HMCN1: variants seen among roughly 807,000 people sequenced by gnomAD.
The protein encoded by HMCN1 is hemicentin 1.
In HMCN1, 321 loss-of-function variants were observed where a neutral mutation model predicts 625.9. The ratio of observed to expected loss-of-function variants is 0.51; its 90% CI spans 0.47 to 0.56. The LOEUF (loss-of-function observed/expected upper bound fraction) is 0.56. Ranked by LOEUF, HMCN1 falls within the 20% of genes least tolerant of loss-of-function variation. HMCN1 has a pLI of 0.00. For missense variants in HMCN1, 6,588 were observed against 6,887.3 expected (o/e 0.96, Z 1.54); for synonymous variants, 2,425 against 2,417.6 (o/e 1.00, Z -0.09).
At chr1:185,891,089 C>A (rs1665043174) in intron 4 of HMCN1, among the ~76,000 whole-genome samples, 1 of 76,138 alleles carries the variant, frequency 1.3e-5, no homozygotes, top group African/African-American at 7.0e-5. Flanking sequence ...CTCTTTTGAT[C>A]TTTGTTGGTT....
intron 54 of HMCN1, among the ~76,000 whole-genome samples, chr1:186,076,966 G>A (rs998981728): frequency 2.0e-5 from 3 of 152,112 alleles, no homozygotes; most frequent in African/African-American, 4.8e-5. Flanking sequence ...TATATTTACA[G>A]ATCATTACTG....
chr1:185,984,041 G>C, intron 18 of HMCN1, 128 bp from the exon 19 acceptor site: 1 of 686,638 alleles, frequency 1.5e-6, no homozygotes, highest in South Asian at 1.8e-5. Flanking sequence ...CTTCACTTAA[G>C]GACATTAGAA....
chr1:186,079,543 G>A (rs926259845), intron 55 of HMCN1, among the ~76,000 whole-genome samples: 16 of 152,224 alleles, frequency 1.1e-4, no homozygotes, highest in African/African-American at 3.1e-4. Flanking sequence ...GTGTGCCTGC[G>A]CATCAATCCC....
chr1:185,739,369 G>A (rs766415689), intron 1 of HMCN1, among the ~76,000 whole-genome samples: 1 of 152,088 alleles, frequency 6.6e-6, no homozygotes, highest in Non-Finnish European at 1.5e-5. Context: ...TTTTTACATA[G>A]CACTCAAAAT....
chr1:186,181,823 A>G (rs1376195405), intron 104 of HMCN1, among the ~76,000 whole-genome samples: 1 of 152,054 alleles, frequency 6.6e-6, no homozygotes, highest in Non-Finnish European at 1.5e-5. Context: ...AAAGAGTTTC[A>G]TATTTTGGTG....
At position 186,112,962 on chromosome 1, in the gene HMCN1, A is replaced by G; in HGVS notation, c.11131+9A>G. 1.2e-6 allele frequency: 2 copies of G among 1,613,798 alleles called. No homozygotes were observed. Among genetic ancestry groups the G allele is most frequent in the Non-Finnish European group, 1.7e-6 (2 of 1,179,896 alleles). ...TATTCTCACTGTAAATGGTAAGAAAAGGTATTCATTGTTCCACAATTTAAA... is the reference window on the plus strand; with the variant it reads ...TATTCTCACTGTAAATGGTAAGAAAGGGTATTCATTGTTCCACAATTTAAA... On this transcript the variant is annotated intron_variant, in intron 72 of 106. Coordinates refer to ENST00000271588, the MANE Select transcript of HMCN1 (RefSeq NM_031935.3).
intron 14 of HMCN1, among the ~76,000 whole-genome samples, chr1:185,968,495 T>A (rs1424825344): frequency 6.6e-6 from 1 of 150,668 alleles, no homozygotes; most frequent in East Asian, 1.9e-4. Context: ...TATATATATA[T>A]AAATTACAAA....
chr1:186,074,701 T>G, intron 52 of HMCN1, 40 bp from the exon 53 acceptor site: 1 of 1,593,936 alleles, frequency 6.3e-7, no homozygotes, highest in Non-Finnish European at 8.6e-7. Context: ...GAGGATTCAT[T>G]ATAGCACTTA....
At chr1:185,886,234 G>C (rs1472991919) in intron 4 of HMCN1, among the ~76,000 whole-genome samples, 1 of 151,842 alleles carries the variant, frequency 6.6e-6, no homozygotes, top group Non-Finnish European at 1.5e-5. Flanking sequence ...AAAGAGATGA[G>C]GGGAGTGGGT....
At chr1:185,974,278 A>C (rs1397852013) in intron 15 of HMCN1, among the ~76,000 whole-genome samples, 1 of 152,178 alleles carries the variant, frequency 6.6e-6, no homozygotes, top group African/African-American at 2.4e-5. Context: ...TAGACTTATT[A>C]AACTCCAGTT....
Position 186,115,256 on chromosome 1 carries a change from A to T in HMCN1, c.11405-2A>T. On this transcript the variant is annotated splice_acceptor_variant, in intron 74 of 106. Coordinates refer to ENST00000271588, the MANE Select transcript of HMCN1 (RefSeq NM_031935.3). LOFTEE classifies it high-confidence loss of function. ...CCTTCTTATTTGGTGACATTGTCTTAGTTCCTCCATCTATTGCTCCGGGTC... is the reference window on the plus strand; with the variant it reads ...CCTTCTTATTTGGTGACATTGTCTTTGTTCCTCCATCTATTGCTCCGGGTC... The T allele has an allele frequency of 6.2e-7, 1 of 1,613,976 alleles. No individual in the cohort carries two copies. The highest frequency in any genetic ancestry group is 8.5e-7 in the Non-Finnish European group (1 of 1,179,934).
chr1:185,902,401 C>CTA, intron 4 of HMCN1, among the ~76,000 whole-genome samples: 1 of 136,218 alleles, frequency 7.3e-6, no homozygotes, highest in Admixed American at 7.1e-5. Flanking sequence ...ATCTATCTAT[C>CTA]TATCTCTATC....
At chr1:185,834,593 G>T (rs1661055776) in intron 1 of HMCN1, among the ~76,000 whole-genome samples, 1 of 152,130 alleles carries the variant, frequency 6.6e-6, no homozygotes, top group Non-Finnish European at 1.5e-5. Flanking sequence ...CAGAAACTAT[G>T]GTCTCTTTAT....
At chr1:185,737,210 A>T (rs1179564523) in intron 1 of HMCN1, among the ~76,000 whole-genome samples, 1 of 151,334 alleles carries the variant, frequency 6.6e-6, no homozygotes, top group African/African-American at 2.4e-5. Flanking sequence ...GCTGGAGTGC[A>T]GTAGCACTAT....
intron 11 of HMCN1, among the ~76,000 whole-genome samples, chr1:185,960,809 T>C (rs1162617096): frequency 6.6e-6 from 1 of 152,224 alleles, no homozygotes; most frequent in Non-Finnish European, 1.5e-5. Context: ...AATAAATGTG[T>C]GTTTCAATAA....
At chr1:186,010,605 T>C (rs1484124707) in intron 30 of HMCN1, among the ~76,000 whole-genome samples, 1 of 152,178 alleles carries the variant, frequency 6.6e-6, no homozygotes, top group East Asian at 1.9e-4. Context: ...ATTTATGCAA[T>C]TTGAGCCAAA....
At chr1:185,849,427 T>C (rs1003392051) in intron 2 of HMCN1, among the ~76,000 whole-genome samples, 4 of 152,162 alleles carry the variant, frequency 2.6e-5, no homozygotes, top group African/African-American at 7.2e-5. Flanking sequence ...GGAGTTCACA[T>C]TGAAGGACTG....
chr1:186,051,333 G>A (rs895206669), intron 42 of HMCN1, among the ~76,000 whole-genome samples: 48 of 152,044 alleles, frequency 3.2e-4, no homozygotes, highest in African/African-American at 1.2e-3. Flanking sequence ...AAGGGTAAAG[G>A]AGGGATGTCT....
chr1:186,182,153 C>G lies in HMCN1; in HGVS notation c.16295-15C>G. ...TTCTTGTGTAGTGATAACTCTCTGT[C>G]TTCTTCCTGAACAGATATTGATGAA... On this transcript the variant is annotated splice_polypyrimidine_tract_variant and intron_variant, in intron 104 of 106. Coordinates refer to ENST00000271588, the MANE Select transcript of HMCN1 (RefSeq NM_031935.3). 1 of 1,612,706 alleles carries G rather than the reference C, an allele frequency of 6.2e-7. No homozygotes were observed. The highest frequency in any genetic ancestry group is 8.5e-7 in the Non-Finnish European group (1 of 1,178,922).
Sources: gnomAD v4.1 joint callset for allele counts (sites outside exome capture counted in the v4.1 genomes callset) on GRCh38, gnomAD v4.1.1 for gene constraint, MANE v1.5 for transcripts, NCBI Gene and HGNC (gene_info 2026-07-23, HGNC 2026-07-21) for gene names.